The following SATL1 variants were observed in gnomAD, a reference collection of about 807,000 sequenced individuals.
SATL1 encodes spermidine/spermine N(1)-acetyltransferase-like protein 1.
Under a neutral mutation model 51.8 loss-of-function variants are expected in SATL1, and 47 were observed. The ratio of observed to expected loss-of-function variants is 0.91; its 90% CI spans 0.72 to 1.16. The LOEUF is 1.16. SATL1 is among the 50% of genes most tolerant of loss of function. The pLI is 0.00. For missense variants in SATL1, 520 were observed against 526.4 expected (o/e 0.99, Z 0.12); for synonymous variants, 176 against 182.4 (o/e 0.97, Z 0.28).
chrX:85,241,758 G>T (rs911653407), intron 1 of SATL1, among the ~76,000 whole-genome samples: 1 of 111,811 alleles, frequency 8.9e-6, no homozygotes, highest in East Asian at 2.8e-4. Flanking sequence ...TGTTTGTTTT[G>T]TTATGCAAGT....
rs1363271054 is a variant in SATL1 at position 85,108,920 on chromosome X, C to T, written c.49G>A (p.Ala17Thr). ...NQSSLSDSNQ[A>T]GINQPSTNSL... The stretch of plus-strand genomic sequence containing the variant: ...TTTGTGCTTGGCTGGTTTATGCCTG[C>T]TTGGTTCGAGTCTGATAAACTTGAT... The change falls in exon 3 of 8, where the codon GCA (alanine) becomes ACA (threonine). Residue 17 changes from alanine to threonine, a missense_variant. Physicochemically the swap from Ala to Thr is moderately conservative, Grantham distance 58. Transcript: ENST00000644105. 2 of 1,207,894 alleles carry T rather than the reference C, an allele frequency of 1.7e-6. No homozygotes were observed. Among genetic ancestry groups the T allele is most frequent in the African/African-American group, 3.5e-5 (2 of 56,922 alleles).
chrX:85,176,521 A>G, intron 2 of SATL1, among the ~76,000 whole-genome samples: 1 of 111,874 alleles, frequency 8.9e-6, no homozygotes, highest in South Asian at 3.7e-4. Flanking sequence ...AATGCTATGG[A>G]ACTTTACAAA....
At chrX:85,106,854 TCATCAG>T (rs1313537906) in intron 3 of SATL1, among the ~76,000 whole-genome samples, 2 of 111,939 alleles carry the variant, frequency 1.8e-5, no homozygotes, top group African/African-American at 3.2e-5. Context: ...AGGTAGCTGA[TCATCAG>T]TTTCTACAAG....
At chrX:85,183,944 A>G (rs1037538054) in intron 2 of SATL1, among the ~76,000 whole-genome samples, 2 of 110,698 alleles carry the variant, frequency 1.8e-5, no homozygotes, top group African/African-American at 6.6e-5. Flanking sequence ...CCACCCCACT[A>G]CCTTTCCCAG....
chrX:85,167,894 C>A (rs774872445), intron 2 of SATL1, among the ~76,000 whole-genome samples: 8 of 110,660 alleles, frequency 7.2e-5, no homozygotes, highest in Non-Finnish European at 1.1e-4. Flanking sequence ...TACTAGCAAG[C>A]CTAATTGAGC....
intron 2 of SATL1, among the ~76,000 whole-genome samples, chrX:85,139,366 T>G (rs1259376242): frequency 1.8e-5 from 2 of 111,748 alleles, no homozygotes. Flanking sequence ...GATAAAAATA[T>G]GAGTTGATAT....
intron 2 of SATL1, among the ~76,000 whole-genome samples, chrX:85,146,626 C>T (rs867903794): frequency 1.8e-5 from 2 of 112,318 alleles, no homozygotes; most frequent in African/African-American, 3.2e-5. Flanking sequence ...GTGGGGACTA[C>T]TGTTTATTGG....
intron 2 of SATL1, among the ~76,000 whole-genome samples, chrX:85,168,632 G>T (rs892468415): frequency 9.0e-6 from 1 of 111,459 alleles, no homozygotes; most frequent in African/African-American, 3.3e-5. Flanking sequence ...ATGACACAAA[G>T]AAGTGGAAAA....
intron 2 of SATL1, among the ~76,000 whole-genome samples, chrX:85,141,494 C>T (rs2147713977): frequency 8.9e-6 from 1 of 111,787 alleles, no homozygotes. Flanking sequence ...AGTCTTGATG[C>T]TACTGTATTT....
chrX:85,112,251 C>T (rs1925276214), intron 2 of SATL1, among the ~76,000 whole-genome samples: 1 of 110,974 alleles, frequency 9.0e-6, no homozygotes, highest in Admixed American at 9.6e-5. Context: ...ACTCAGGAGG[C>T]TGAGGCAAGA....
chrX:85,094,956 G>A lies in SATL1; in HGVS notation c.1734C>T (p.Tyr578=), dbSNP rs1487814554. 5.9e-6 allele frequency: 7 copies of A among 1,181,058 alleles called. No individual in the cohort carries two copies. The highest frequency in any genetic ancestry group is 5.3e-5 in the African/African-American group (3 of 56,830). Residue 578 remains tyrosine, a synonymous_variant, in exon 5 of 8, where the codon TAC becomes TAT. Coordinates refer to ENST00000644105, the MANE Select transcript of SATL1 (RefSeq NM_001367857.2). The stretch of plus-strand genomic sequence containing the variant: ...GATCGTTTACTTCTGCAATCAGGCA[G>A]TAGAAAAGGGGATTGTCCCCAAAGC... The part of the protein sequence containing the change: ...RDGFGDNPLF[Y]CLIAEVNDQQ...
chrX:85,102,696 T>C (rs761364434), intron 4 of SATL1, among the ~76,000 whole-genome samples: 2 of 111,877 alleles, frequency 1.8e-5, no homozygotes, highest in Admixed American at 9.5e-5. Flanking sequence ...AGTATTTTTC[T>C]AACTACAATG....
intron 2 of SATL1, among the ~76,000 whole-genome samples, chrX:85,126,829 A>C (rs928495023): frequency 9.2e-6 from 1 of 108,483 alleles, no homozygotes; most frequent in Non-Finnish European, 1.9e-5. Context: ...TCCTTTCATC[A>C]CAAGTTTTAC....
At chrX:85,195,966 G>T (rs773498838) in intron 2 of SATL1, among the ~76,000 whole-genome samples, 3 of 110,116 alleles carry the variant, frequency 2.7e-5, no homozygotes, top group Non-Finnish European at 3.8e-5. Flanking sequence ...CTTCAAGGCT[G>T]GGGGGAAATC....
intron 2 of SATL1, among the ~76,000 whole-genome samples, chrX:85,215,200 C>T (rs986487295): frequency 9.0e-6 from 1 of 111,432 alleles, no homozygotes; most frequent in African/African-American, 3.3e-5. Flanking sequence ...CAGCTGGAGC[C>T]GAAGTGGTGG....
At chrX:85,213,412 A>G (rs981804052) in intron 2 of SATL1, among the ~76,000 whole-genome samples, 2 of 112,045 alleles carry the variant, frequency 1.8e-5, no homozygotes, top group African/African-American at 6.5e-5. Context: ...AAAAATATCA[A>G]TCAGAGAAAA....
intron 2 of SATL1, among the ~76,000 whole-genome samples, chrX:85,161,889 C>G (rs777714467): frequency 9.0e-6 from 1 of 111,416 alleles, no homozygotes; most frequent in African/African-American, 3.3e-5. Context: ...GTCACATTCT[C>G]TAAAATCGAC....
chrX:85,107,489 G>A lies in SATL1; in HGVS notation c.1480C>T (p.Gln494Ter), dbSNP rs766745061. 11 of 1,210,972 alleles carry A rather than the reference G, an allele frequency of 9.1e-6. No homozygotes were observed. The South Asian group carries it at 1.6e-4, about 17-fold the overall frequency. Residue 494 changes from glutamine (Q) to a stop codon, truncating the protein, a stop_gained, in exon 3 of 8, where the codon CAA (glutamine) becomes TAA (stop). Coordinates refer to ENST00000644105, the MANE Select transcript of SATL1 (RefSeq NM_001367857.2). LOFTEE classifies it high-confidence loss of function. The stretch of plus-strand genomic sequence containing the variant: ...CTCAGCACTAATTGGTTCAGGTCTT[G>A]TTGGCTCAGGCCTGGCTGACTCGGC... ...PGPSQPGLSQ[Q>*]DLNQLVLSQP...
intron 2 of SATL1, among the ~76,000 whole-genome samples, chrX:85,214,483 A>G (rs138724295): frequency 0.01 from 1,150 of 111,363 alleles, 12 homozygotes; most frequent in Admixed American, 0.034. Flanking sequence ...GGAAGGGTCA[A>G]ATATCCAAAC....
Sources: allele counts gnomAD v4.1 joint callset (sites outside exome capture counted in the v4.1 genomes callset), GRCh38; gene constraint gnomAD v4.1.1; transcripts MANE v1.5; gene names NCBI Gene and HGNC (gene_info 2026-07-23, HGNC 2026-07-21).